The following IRAK3 variants were observed in gnomAD, a reference collection of about 807,000 sequenced individuals.
IRAK3 encodes interleukin 1 receptor associated kinase 3, also known as interleukin-1 receptor-associated kinase 3.
In IRAK3, 57 loss-of-function variants were observed where a neutral mutation model predicts 56.6. The ratio of observed to expected loss-of-function variants is 1.01; its 90% confidence interval spans 0.81 to 1.26. The LOEUF (loss-of-function observed/expected upper bound fraction) is 1.26. IRAK3 is among the 50% of genes most tolerant of loss of function. The pLI is 0.00. For missense variants in IRAK3, 703 were observed against 719.0 expected, an observed-to-expected ratio of 0.98 and a Z score of 0.25; for synonymous variants, 258 against 255.7, an observed-to-expected ratio of 1.01 and a Z score of -0.09.
chr12:66,210,242 T>A, intron 4 of IRAK3, 41 bp downstream of exon 4: 1 of 1,177,522 alleles, frequency 8.5e-7, no homozygotes, highest in Non-Finnish European at 1.3e-6. Context: ...TTTTTTAAAA[T>A]CATACTTTCA....
chr12:66,193,997 A>G (rs2052425019), intron 1 of IRAK3, among the ~76,000 whole-genome samples: 1 of 152,132 alleles, frequency 6.6e-6, no homozygotes, highest in Non-Finnish European at 1.5e-5. Context: ...GCACAATCAC[A>G]ACTCACTGCA....
At position 66,196,217 on chromosome 12, in the gene IRAK3, C is replaced by A. The variant is rs549984349; in HGVS notation, c.133+6785C>A. On this transcript the variant is annotated intron_variant, in intron 1 of 11. Transcript: ENST00000261233. The stretch of plus-strand genomic sequence containing the variant: ...GACTCTCTTAGCATCGAAAATTGTA[C>A]TTGGCACAGAGCAGGCACTCAGTAA... Among the ~76,000 whole-genome samples the A allele has an allele frequency of 9.9e-5, 15 of 152,100 alleles. No homozygotes were observed. In the South Asian group the frequency reaches 3.1e-3, roughly 32 times the overall value.
intron 1 of IRAK3, among the ~76,000 whole-genome samples, chr12:66,190,764 T>C (rs906957258): frequency 3.3e-5 from 5 of 152,192 alleles, no homozygotes; most frequent in African/African-American, 1.2e-4. Context: ...TACAAATTGG[T>C]TAAGTAACTT....
intron 1 of IRAK3, among the ~76,000 whole-genome samples, chr12:66,200,719 A>G (rs1453451121): frequency 6.6e-6 from 1 of 152,172 alleles, no homozygotes; most frequent in East Asian, 1.9e-4. Context: ...AAGGCAGAAG[A>G]TATTTGCCTT....
rs937596967 is a variant in IRAK3 at position 66,235,008 on chromosome 12, G to C, written c.887+6638G>C. ...CCTTTGCATTTGTTCGTTGTCTTAT[G>C]CAAAATTGCGTTTGTGGAGACTATT... On this transcript the variant is annotated intron_variant, in intron 8 of 11. Transcript: ENST00000261233. 7 of 1,613,556 alleles carry C rather than the reference G, an allele frequency of 4.3e-6. No homozygotes were observed. The South Asian group carries it at 4.4e-5, about 10-fold the overall frequency.
chr12:66,189,379 A>T lies in IRAK3; in HGVS notation c.80A>T (p.Glu27Val). 6.5e-7 allele frequency: 1 copy of T among 1,528,950 alleles called. No individual in the cohort carries two copies. Among genetic ancestry groups the T allele is most frequent in the Non-Finnish European group, 8.7e-7 (1 of 1,143,924 alleles). The allele number at this position is 1,528,950 out of a possible 1,614,324, so 94.7% of individuals were successfully genotyped here. A position where few individuals can be genotyped will look rare whatever the true frequency, so the allele number is the denominator to read the frequency against. ...GACCTGCCGCCCGCGCTGCTCGGAG[A>T]GCTCTGCGCTGTTCTGGACAGCTGC... ...LFDLPPALLG[E>V]LCAVLDSCDG... is the part of the protein sequence containing the mutation. Residue 27 changes from glutamate (E) to valine (V), a missense_variant, in exon 1 of 12, where the codon GAG becomes GTG. Coordinates refer to ENST00000261233, the MANE Select transcript of IRAK3 (RefSeq NM_007199.3).
At position 66,189,368 on chromosome 12, in the gene IRAK3, G is replaced by C. The variant is rs1232564260; in HGVS notation, c.69G>C (p.Ala23=). The change falls in exon 1 of 12, where the codon GCG becomes GCC. Residue 23 remains alanine (A), a synonymous_variant. Coordinates refer to ENST00000261233, the MANE Select transcript of IRAK3 (RefSeq NM_007199.3). ...AHTLLFDLPP[A]LLGELCAVLD... ...CGCTGCTGTTCGACCTGCCGCCCGC[G>C]CTGCTCGGAGAGCTCTGCGCTGTTC... 6.5e-7 allele frequency: 1 copy of C among 1,530,080 alleles called. No homozygotes were observed. Among genetic ancestry groups the C allele is most frequent in the Non-Finnish European group, 8.7e-7 (1 of 1,144,576 alleles). 94.8% of individuals were successfully genotyped at this position (1,530,080 alleles called of 1,614,324 possible).
At chr12:66,197,758 CAG>C in intron 1 of IRAK3, 1 of 985,412 alleles carries the variant, frequency 1.0e-6, no homozygotes, top group Non-Finnish European at 1.2e-6. Context: ...CCTAAAACCC[CAG>C]CTCATTTGGC....
chr12:66,245,085 C>T lies in IRAK3; in HGVS notation c.1150-13C>T. The T allele has an allele frequency of 1.2e-6, 2 of 1,613,998 alleles. No individual in the cohort carries two copies. The highest frequency in any genetic ancestry group is 1.7e-5 in the Admixed American group (1 of 60,002). On this transcript the variant is annotated splice_polypyrimidine_tract_variant and intron_variant, in intron 10 of 11. Coordinates refer to ENST00000261233, the MANE Select transcript of IRAK3 (RefSeq NM_007199.3). ...AAGTTCTCTGTGATAAAATTGTCTC[C>T]CTCTCTTCCAAGCGGGATCTCCTTA...
intron 2 of IRAK3, among the ~76,000 whole-genome samples, chr12:66,207,385 T>C (rs746946338): frequency 5.3e-5 from 8 of 151,986 alleles, no homozygotes; most frequent in Non-Finnish European, 8.8e-5. Context: ...AGCAGGAGAA[T>C]TGCTTGAACC....
chr12:66,245,057 A>G (rs1262810394), intron 10 of IRAK3, 41 bp from the exon 11 acceptor site: 2 of 1,613,930 alleles, frequency 1.2e-6, no homozygotes, highest in South Asian at 1.1e-5. Flanking sequence ...TCATTTTTTG[A>G]TCAAGTTCTC....
In IRAK3 at chr12:66,250,047, T is replaced by A. The variant is rs924690572; in HGVS notation, c.*1876T>A. ...ATCCTACACAGAGCAGGTGTTTCCTTATAAATTAAGTTGAATTAAATTACC... is the reference window on the plus strand; with the variant it reads ...ATCCTACACAGAGCAGGTGTTTCCTAATAAATTAAGTTGAATTAAATTACC... On this transcript the variant is annotated 3_prime_UTR_variant, in exon 12 of 12. Transcript: ENST00000261233. 3 of 152,196 alleles carry A rather than the reference T, an allele frequency of 2.0e-5. No homozygotes were observed. The highest frequency in any genetic ancestry group is 7.2e-5 in the African/African-American group (3 of 41,438). The allele number at this position is 152,196 out of a possible 1,614,324, so 9.4% of individuals were successfully genotyped here.
At position 66,211,445 on chromosome 12, in the gene IRAK3, G is replaced by T; in HGVS notation, c.437-1G>T. The T allele has an allele frequency of 6.3e-7, 1 of 1,587,888 alleles. No homozygotes were observed. The highest frequency in any genetic ancestry group is 1.1e-5 in the South Asian group (1 of 90,470). ...ATCTTCCCCCTACTTTCCTTCCTAA[G>T]GAATACTGCTTAAATCTTCCATCAG... On this transcript the variant is annotated splice_acceptor_variant, in intron 4 of 11. Coordinates refer to ENST00000261233, the MANE Select transcript of IRAK3 (RefSeq NM_007199.3). LOFTEE classifies it high-confidence loss of function.
chr12:66,245,641 A>G (rs926914747), intron 11 of IRAK3, among the ~76,000 whole-genome samples: 4 of 118,742 alleles, frequency 3.4e-5, no homozygotes, highest in Admixed American at 1.1e-4. Flanking sequence ...AAGTGATTCT[A>G]CTGCCTCAGC....
chr12:66,203,607 G>A, intron 1 of IRAK3, 104 bp from the exon 2 acceptor site: 1 of 1,052,404 alleles, frequency 9.5e-7, no homozygotes. Context: ...TAAGAGGAAA[G>A]TTAAAGTTAT....
chr12:66,190,733 T>C (rs894334086), intron 1 of IRAK3, among the ~76,000 whole-genome samples: 1 of 152,224 alleles, frequency 6.6e-6, no homozygotes, highest in Non-Finnish European at 1.5e-5. Context: ...CCAGTGTTTT[T>C]TTAACAGGTC....
intron 7 of IRAK3, 54 bp downstream of exon 7, chr12:66,226,891 G>T (rs1282104642): frequency 9.1e-7 from 1 of 1,104,216 alleles, no homozygotes; most frequent in African/African-American, 1.5e-5. Context: ...ATCCCTGGGA[G>T]AGCTGCTGAA....
At position 66,246,808 on chromosome 12, in the gene IRAK3, A is replaced by T. The variant is rs955947795; in HGVS notation, c.1315-887A>T. On this transcript the variant is annotated intron_variant, in intron 11 of 11. Coordinates refer to ENST00000261233, the MANE Select transcript of IRAK3 (RefSeq NM_007199.3). ...TACGTGTGTGTGTGTATATGAAGGT[A>T]TGTTGTATGGTGTATTAATTACATC... Among the ~76,000 whole-genome samples, 5 of 152,174 alleles carry T rather than the reference A, an allele frequency of 3.3e-5. No individual in the cohort carries two copies. The South Asian group carries it at 8.3e-4, about 25-fold the overall frequency.
At chr12:66,231,426 G>A (rs1380254451) in intron 8 of IRAK3, among the ~76,000 whole-genome samples, 1 of 152,190 alleles carries the variant, frequency 6.6e-6, no homozygotes, top group Non-Finnish European at 1.5e-5. Context: ...TAGAACATCT[G>A]TTGTGTGCAG....
Sources: allele counts gnomAD v4.1 joint callset (sites outside exome capture counted in the v4.1 genomes callset), GRCh38; gene constraint gnomAD v4.1.1; transcripts MANE v1.5; gene names NCBI Gene and HGNC (gene_info 2026-07-23, HGNC 2026-07-21).